Variants in MTOR observed in about 807,000 individuals in gnomAD.
MTOR encodes the protein serine/threonine-protein kinase mTOR.
Under a neutral mutation model 319.8 loss-of-function variants are expected in MTOR, and 70 were observed. The observed-to-expected ratio is 0.22, with a 90% CI of 0.18 to 0.27. The LOEUF is 0.27. MTOR is among the 10% of genes least tolerant of loss of function. The pLI is 1.00. For synonymous variants in MTOR, 1,183 were observed against 1,211.4 expected (o/e 0.98, Z 0.49); for missense variants, 1,890 against 3,274.4 (o/e 0.58, Z 10.32).
chr1:11,173,127 G>A (rs925401957), intron 28 of MTOR, among the ~76,000 whole-genome samples: 8 of 151,946 alleles, frequency 5.3e-5, no homozygotes, highest in African/African-American at 1.4e-4. Flanking sequence ...CTGAGTAGCC[G>A]GGATTACTGG....
intron 13 of MTOR, among the ~76,000 whole-genome samples, chr1:11,235,482 T>TCAAAA (rs918116469): frequency 1.3e-5 from 2 of 151,860 alleles, no homozygotes; most frequent in Admixed American, 1.3e-4. Flanking sequence ...AGATTCTGTC[T>TCAAAA]CAAAACAAAA....
chr1:11,126,510 A>G, intron 46 of MTOR, 112 bp downstream of exon 46: 2 of 1,206,062 alleles, frequency 1.7e-6, no homozygotes, highest in East Asian at 2.4e-5. Context: ...GGAGAGATGT[A>G]GCTATGATAG....
At chr1:11,154,625 C>A (rs1039968638) in intron 30 of MTOR, among the ~76,000 whole-genome samples, 6 of 151,900 alleles carry the variant, frequency 3.9e-5, no homozygotes, top group African/African-American at 1.5e-4. Flanking sequence ...GTAGTAATAA[C>A]TTTATATTAA....
In MTOR at chr1:11,109,746, C is replaced by A; in HGVS notation, c.7367-17G>T. ...CCAAAATTTCTATGGGAAAAGAAAT[C>A]AATTAACAGAAAATTCAAACACCAA... On this transcript the variant is annotated splice_polypyrimidine_tract_variant and intron_variant, in intron 54 of 57. Coordinates refer to ENST00000361445, the MANE Select transcript of MTOR (RefSeq NM_004958.4). This position sits in a 1 kb window ranked among gnomAD's most constrained non-coding sequence, Gnocchi z 4.0. 6.2e-7 allele frequency: 1 copy of A among 1,610,760 alleles called. No individual in the cohort carries two copies. The highest frequency in any genetic ancestry group is 1.1e-5 in the South Asian group (1 of 90,976).
At chr1:11,152,577 T>G (rs182066658) in intron 30 of MTOR, 1 of 152,052 alleles carries the variant, frequency 6.6e-6, no homozygotes, top group Non-Finnish European at 1.5e-5. Context: ...TTAGTTCACT[T>G]TGGCTGCAGG....
intron 8 of MTOR, among the ~76,000 whole-genome samples, chr1:11,244,737 T>C (rs980215193): frequency 6.6e-6 from 1 of 152,252 alleles, no homozygotes; most frequent in African/African-American, 2.4e-5. Context: ...AAGATTATAA[T>C]ACAGTATATT....
At chr1:11,213,679 G>A (rs745724318) in intron 20 of MTOR, 113 bp from the exon 21 acceptor site, 18 of 977,496 alleles carry the variant, frequency 1.8e-5, no homozygotes, top group Admixed American at 6.6e-5. Context: ...GGTCTGCGCC[G>A]AGATCAACTC....
At chr1:11,161,423 T>A (rs2100585107) in intron 29 of MTOR, among the ~76,000 whole-genome samples, 1 of 152,318 alleles carries the variant, frequency 6.6e-6, no homozygotes, top group East Asian at 1.9e-4. Context: ...GTCTGACACC[T>A]TTGAAGACAA....
chr1:11,175,806 G>A (rs1250475138), intron 28 of MTOR, among the ~76,000 whole-genome samples: 13 of 150,972 alleles, frequency 8.6e-5, no homozygotes, highest in South Asian at 2.1e-4. Context: ...GTGCAGTGGC[G>A]CAATCTCGGC....
At chr1:11,259,187 C>T (rs750056845) in intron 2 of MTOR, 61 bp downstream of exon 2, 3 of 1,567,560 alleles carry the variant, frequency 1.9e-6, no homozygotes, top group Middle Eastern at 2.0e-4. Context: ...AAAATGTAAA[C>T]CAGTGATGGT....
intron 30 of MTOR, among the ~76,000 whole-genome samples, chr1:11,151,859 C>T (rs1162223790): frequency 6.6e-6 from 1 of 151,934 alleles, no homozygotes; most frequent in African/African-American, 2.4e-5. Context: ...AACTCAGCCT[C>T]CCTCTATTAT....
rs1456399654 is a variant in MTOR at position 11,117,055 on chromosome 1, C to T, written c.6965G>A (p.Arg2322His). Residue 2322 changes from arginine (R) to histidine (H), a missense_variant, in exon 50 of 58, where the codon CGT (arginine) becomes CAT (histidine). Physicochemically the swap from Arg to His is conservative, Grantham distance 29. This residue lies in a region of MTOR where 249 missense variants were observed against 596.2 expected (regional missense o/e 0.42). Transcript: ENST00000361445. ...VWFDRRTNYT[R>H]SLAVMSMVGY... The stretch of plus-strand genomic sequence containing the variant: ...AACCATTGACATGACCGCTAAAGAA[C>T]GGGTATAATTGGTTCTTCGGTCAAA... 10 of 1,613,318 alleles carry T rather than the reference C, an allele frequency of 6.2e-6. No homozygotes were observed. The highest frequency in any genetic ancestry group is 1.1e-5 in the South Asian group (1 of 90,796).
intron 20 of MTOR, among the ~76,000 whole-genome samples, chr1:11,215,910 C>A (rs1007710874): frequency 4.6e-5 from 7 of 152,180 alleles, no homozygotes; most frequent in Admixed American, 1.3e-4. Context: ...CTATTTCTGG[C>A]AGAACAATTA....
rs187497830 is a variant in MTOR at position 11,149,766 on chromosome 1, T to C, written c.4570+360A>G. On this transcript the variant is annotated intron_variant, in intron 31 of 57. Coordinates refer to ENST00000361445, the MANE Select transcript of MTOR (RefSeq NM_004958.4). Reference sequence around the variant, plus strand: ...GTAGATAGGGTCAGAAATGAACTACTTGACACCCCACTGGTGTCTGCTGAC... The same window carrying C: ...GTAGATAGGGTCAGAAATGAACTACCTGACACCCCACTGGTGTCTGCTGAC... 3.5e-3 allele frequency among the ~76,000 whole-genome samples: 534 copies of C among 152,306 alleles called. 6 individuals are homozygous for C. The highest frequency in any genetic ancestry group is 0.012 in the African/African-American group (505 of 41,570).
intron 28 of MTOR, among the ~76,000 whole-genome samples, chr1:11,185,403 C>A (rs1488972074): frequency 7.0e-6 from 1 of 142,718 alleles, no homozygotes; most frequent in African/African-American, 2.8e-5. Flanking sequence ...CAGTGAGACC[C>A]CCATCACTAC....
chr1:11,218,507 T>C (rs1247788709), intron 19 of MTOR, among the ~76,000 whole-genome samples: 2 of 152,100 alleles, frequency 1.3e-5, no homozygotes, highest in Non-Finnish European at 2.9e-5. Flanking sequence ...ATTTTTATTA[T>C]GCAAAGCCTG....
In MTOR at chr1:11,253,950, C is replaced by G; in HGVS notation, c.729G>C (p.Lys243Asn). 2 of 1,614,154 alleles carry G rather than the reference C, an allele frequency of 1.2e-6. No individual in the cohort carries two copies. Among genetic ancestry groups the G allele is most frequent in the Non-Finnish European group, 1.7e-6 (2 of 1,180,040 alleles). ...WYRHTFEEAE[K>N]GFDETLAKEK... ...CTTTGGCCAAGGTCTCATCAAATCC[C>G]TTCTCTGCTTCTTCAAATGTGTGCT... The change falls in exon 6 of 58, where the codon AAG becomes AAC. Residue 243 changes from lysine (K) to asparagine (N), a missense_variant. By Grantham distance (94) the Lys-to-Asn change is moderately conservative (BLOSUM62 0). This residue lies in a region of MTOR where 418 missense variants were observed against 543.1 expected (regional missense o/e 0.77). Coordinates refer to ENST00000361445, the MANE Select transcript of MTOR (RefSeq NM_004958.4).
intron 28 of MTOR, among the ~76,000 whole-genome samples, chr1:11,186,279 T>C (rs1645320237): frequency 6.6e-6 from 1 of 152,046 alleles, no homozygotes; most frequent in Non-Finnish European, 1.5e-5. Context: ...CAACGGGGCA[T>C]TTTCAAGCAA....
rs189092487 is a variant in MTOR, at chr1:11,141,384, A to T, written c.4873-1726T>A. ...TGCCTCAGCCTCCCAATGTGCTGGG[A>T]TTACAGGTGGGATCGTTCTTGTCTC... On this transcript the variant is annotated intron_variant, in intron 34 of 57. Transcript: ENST00000361445. Among the ~76,000 whole-genome samples, 15 of 151,316 alleles carry T rather than the reference A, an allele frequency of 9.9e-5. No homozygotes were observed. The South Asian group carries it at 2.9e-3, about 30-fold the overall frequency.
Sources: allele counts gnomAD v4.1 joint callset (sites outside exome capture counted in the v4.1 genomes callset), GRCh38; gene constraint gnomAD v4.1.1; regional missense constraint gnomAD v4.1.1; non-coding constraint Gnocchi (gnomAD v3.1); transcripts MANE v1.5; gene names NCBI Gene and HGNC (gene_info 2026-07-23, HGNC 2026-07-21).